The following PLXNA2 variants were observed in gnomAD, a reference collection of about 807,000 sequenced individuals.
PLXNA2 encodes plexin A2, also known as plexin-A2.
In PLXNA2, 91 loss-of-function variants were observed where a neutral mutation model predicts 193.5. The ratio of observed to expected loss-of-function variants is 0.47; its 90% CI spans 0.40 to 0.56. The LOEUF is 0.56. PLXNA2 is among the 20% of genes least tolerant of loss of function. PLXNA2 has a pLI of 0.00. For missense variants in PLXNA2, 1,995 were observed against 2,503.2 expected, an observed-to-expected ratio of 0.80 and a Z score of 4.33; for synonymous variants, 997 against 1,027.3, an observed-to-expected ratio of 0.97 and a Z score of 0.56.
chr1:208,048,832 T>C (rs1203657012), intron 17 of PLXNA2, among the ~76,000 whole-genome samples: 1 of 152,232 alleles, frequency 6.6e-6, no homozygotes, highest in African/African-American at 2.4e-5. Context: ...CTTTGACATC[T>C]GGGGCCTTGC....
chr1:208,028,739 C>G lies in PLXNA2; in HGVS notation c.5438+91G>C. On this transcript the variant is annotated intron_variant, in intron 30 of 31. Coordinates refer to ENST00000367033, the MANE Select transcript of PLXNA2 (RefSeq NM_025179.4). The surrounding 1 kb of genome is among the most constrained non-coding windows in gnomAD (Gnocchi z 4.2). The stretch of plus-strand genomic sequence containing the variant: ...GGAGGTCCTGAAGAGATGACAGACA[C>G]CGTCGTCTGAGTCCTTAGTCAGTGA... 2 of 1,187,696 alleles carry G rather than the reference C, an allele frequency of 1.7e-6. No individual in the cohort carries two copies. The highest frequency in any genetic ancestry group is 2.4e-6 in the Non-Finnish European group (2 of 830,204). 73.6% of individuals were successfully genotyped at this position (1,187,696 alleles called of 1,614,324 possible).
intron 3 of PLXNA2, among the ~76,000 whole-genome samples, chr1:208,185,113 C>G (rs909422205): frequency 2.0e-5 from 3 of 152,186 alleles, no homozygotes; most frequent in Non-Finnish European, 4.4e-5. Context: ...CCTCAGGGAT[C>G]AAAGACTCCC....
At chr1:208,034,371 G>A in intron 27 of PLXNA2, 122 bp downstream of exon 27, 3 of 664,776 alleles carry the variant, frequency 4.5e-6, no homozygotes, top group Admixed American at 2.2e-5. Flanking sequence ...CAACTGGCAG[G>A]AGCCTGTGAT....
chr1:208,222,388 A>G (rs1381390565), intron 1 of PLXNA2, among the ~76,000 whole-genome samples: 3 of 152,148 alleles, frequency 2.0e-5, no homozygotes, highest in African/African-American at 7.2e-5. Flanking sequence ...CAAACCAGGT[A>G]TGCTGCTCCA....
intron 1 of PLXNA2, chr1:208,230,070 T>C (rs1025208389): frequency 2.0e-5 from 3 of 152,172 alleles, no homozygotes; most frequent in Non-Finnish European, 4.4e-5. Context: ...TGAGAATCAA[T>C]GAGATAATGG....
At position 208,034,601 on chromosome 1, in the gene PLXNA2, G is replaced by GGTACAAAAGGTACA; in HGVS notation, c.4765-23_4765-10dup. 1 of 1,537,910 alleles carries GGTACAAAAGGTACA rather than the reference G, an allele frequency of 6.5e-7. No homozygotes were observed. The highest frequency in any genetic ancestry group is 9.0e-7 in the Non-Finnish European group (1 of 1,110,524). ...ACCGACCTGTCTGACACCTGAGAAG[G>GGTACAAAAGGTACA]GTACAAAAGGTACAGTACAAAAGGT... On this transcript the variant is annotated splice_polypyrimidine_tract_variant and intron_variant, in intron 26 of 31. Transcript: ENST00000367033.
At chr1:208,083,117 C>T (rs762605353) in intron 10 of PLXNA2, among the ~76,000 whole-genome samples, 15 of 152,150 alleles carry the variant, frequency 9.9e-5, no homozygotes, top group Non-Finnish European at 2.1e-4. Flanking sequence ...CTGCGGTGGC[C>T]CTCTATTTCC....
At chr1:208,136,739 G>A (rs1315959557) in intron 4 of PLXNA2, among the ~76,000 whole-genome samples, 1 of 152,202 alleles carries the variant, frequency 6.6e-6, no homozygotes, top group African/African-American at 2.4e-5. Flanking sequence ...GCAGCGCTTG[G>A]GAGTAAGCAG....
intron 4 of PLXNA2, among the ~76,000 whole-genome samples, chr1:208,113,333 C>T (rs957633713): frequency 6.6e-6 from 1 of 152,154 alleles, no homozygotes; most frequent in African/African-American, 2.4e-5. Context: ...TGGTTGTTTG[C>T]CCAGACATGG....
At chr1:208,066,882 A>C (rs1665813488) in intron 12 of PLXNA2, among the ~76,000 whole-genome samples, 1 of 152,252 alleles carries the variant, frequency 6.6e-6, no homozygotes, top group Non-Finnish European at 1.5e-5. Context: ...GTCTTTAACA[A>C]AACAAATTTA....
chr1:208,033,588 C>T (rs374949760), intron 27 of PLXNA2, 79 bp from the exon 28 acceptor site: 28 of 1,197,472 alleles, frequency 2.3e-5, no homozygotes, highest in South Asian at 1.6e-4. Flanking sequence ...AATCCCTGCC[C>T]GCCTGCTGCA....
rs766602383 is a variant in PLXNA2 at position 208,044,191 on chromosome 1, G to A, written c.3874+317C>T. 2.0e-5 allele frequency among the ~76,000 whole-genome samples: 3 copies of A among 152,250 alleles called. No homozygotes were observed. Among genetic ancestry groups the A allele is most frequent in the Admixed American group, 2.0e-4 (3 of 15,286 alleles). On this transcript the variant is annotated intron_variant, in intron 20 of 31. Transcript: ENST00000367033. This position sits in a 1 kb window ranked among gnomAD's most constrained non-coding sequence, Gnocchi z 4.9. ...TGGGGGATCTAGAGTCTGGGGCTGT[G>A]GAGCCTGGGGACTCTGACTGTGGGG...
chr1:208,136,543 C>T (rs1668306419), intron 4 of PLXNA2, among the ~76,000 whole-genome samples: 1 of 152,254 alleles, frequency 6.6e-6, no homozygotes, highest in South Asian at 2.1e-4. Flanking sequence ...CTCCTCCCTT[C>T]TCTCCACAGA....
intron 4 of PLXNA2, among the ~76,000 whole-genome samples, chr1:208,113,843 A>G (rs865910019): frequency 1.3e-5 from 2 of 152,142 alleles, no homozygotes; most frequent in African/African-American, 4.8e-5. Flanking sequence ...GGTGTGAGCC[A>G]CTGTGCCCAG....
chr1:208,123,439 C>T lies in PLXNA2; in HGVS notation c.1506+18890G>A, dbSNP rs565370973. On this transcript the variant is annotated intron_variant, in intron 4 of 31. Transcript: ENST00000367033. ...CTTTCATTTTTACCATCAGGGAAAC[C>T]GAAGCACAGTGAAATGATGTTTTCG... 5.9e-5 allele frequency among the ~76,000 whole-genome samples: 9 copies of T among 152,226 alleles called. No homozygotes were observed. The East Asian group carries it at 1.5e-3, about 26-fold the overall frequency.
chr1:208,197,469 A>G (rs1300009898), intron 3 of PLXNA2, among the ~76,000 whole-genome samples: 1 of 152,250 alleles, frequency 6.6e-6, no homozygotes, highest in Non-Finnish European at 1.5e-5. Context: ...CTGGAAAAGA[A>G]TCTCAACATG....
chr1:208,096,247 T>C (rs74631854), intron 7 of PLXNA2, 122 bp from the exon 8 acceptor site: 12,922 of 741,346 alleles, frequency 0.017, 529 homozygotes, highest in East Asian at 0.11. Context: ...GTAGATACTA[T>C]GTGGAACCTG....
In PLXNA2 at chr1:208,226,064, G is replaced by A. The variant is rs74399332; in HGVS notation, c.-80-8062C>T. Among the ~76,000 whole-genome samples, 1,144 of 152,234 alleles carry A rather than the reference G, an allele frequency of 7.5e-3. 14 individuals are homozygous for A. The highest frequency in any genetic ancestry group is 0.026 in the African/African-American group (1,085 of 41,542). ...CACACGAAAATTTGCAGAGATAGGCGGGTATCTCTGACTCCTGCTGCCTTC... is the reference window on the plus strand; with the variant it reads ...CACACGAAAATTTGCAGAGATAGGCAGGTATCTCTGACTCCTGCTGCCTTC... On this transcript the variant is annotated intron_variant, in intron 1 of 31. Coordinates refer to ENST00000367033, the MANE Select transcript of PLXNA2 (RefSeq NM_025179.4).
intron 3 of PLXNA2, among the ~76,000 whole-genome samples, chr1:208,167,798 C>A (rs925746148): frequency 6.6e-6 from 1 of 152,204 alleles, no homozygotes; most frequent in Admixed American, 6.5e-5. Context: ...AATACCAATT[C>A]CCTACTGAGA....
Sources: allele counts gnomAD v4.1 joint callset (sites outside exome capture counted in the v4.1 genomes callset), GRCh38; gene constraint gnomAD v4.1.1; non-coding constraint Gnocchi (gnomAD v3.1); transcripts MANE v1.5; gene names NCBI Gene and HGNC (gene_info 2026-07-23, HGNC 2026-07-21).